WAPL: variants seen among roughly 807,000 people sequenced by gnomAD.
WAPL encodes wings apart-like protein homolog.
WAPL carries 5 observed loss-of-function variants against 121.0 expected under a neutral mutation model. The observed-to-expected ratio is 0.04, with a 90% confidence interval of 0.02 to 0.09. WAPL has a LOEUF of 0.09. WAPL is among the 10% of genes least tolerant of loss of function. The pLI, the probability that WAPL is intolerant of heterozygous loss-of-function variation, is 1.00. For synonymous variants in WAPL, 480 were observed against 481.5 expected (o/e 1.00, Z 0.04); for missense variants, 999 against 1,410.8 (o/e 0.71, Z 4.68).
chr10:86,504,512 TAAAAAATAC>T (rs1564586781), intron 2 of WAPL, among the ~76,000 whole-genome samples: 3 of 126,118 alleles, frequency 2.4e-5, no homozygotes, highest in African/African-American at 9.0e-5. Flanking sequence ...CCATCTCTAC[TAAAAAATAC>T]AAAAAATTAG....
chr10:86,454,505 G>C (rs1021805767), intron 12 of WAPL, among the ~76,000 whole-genome samples: 1 of 152,324 alleles, frequency 6.6e-6, no homozygotes, highest in East Asian at 1.9e-4. Context: ...AGCCTGCCTA[G>C]TGCCTGGGAC....
intron 4 of WAPL, among the ~76,000 whole-genome samples, chr10:86,494,766 T>G (rs1419176499): frequency 1.5e-4 from 23 of 152,196 alleles, no homozygotes; most frequent in Non-Finnish European, 1.5e-5. Flanking sequence ...TTTAATGCAA[T>G]GTATGAAAGG....
In WAPL at chr10:86,437,483, C is replaced by G; in HGVS notation, c.*60G>C. The stretch of plus-strand genomic sequence containing the variant: ...TTCAAGGACTTCTTTCATGACTTGA[C>G]TTTTCTTTGTCTAAGGATAGCTCCA... On this transcript the variant is annotated 3_prime_UTR_variant, in exon 19 of 19. Transcript: ENST00000298767. 1.3e-6 allele frequency: 2 copies of G among 1,562,242 alleles called. No homozygotes were observed. The highest frequency in any genetic ancestry group is 1.7e-6 in the Non-Finnish European group (2 of 1,147,322).
intron 2 of WAPL, among the ~76,000 whole-genome samples, chr10:86,502,127 C>G (rs768675474): frequency 1.3e-5 from 2 of 152,198 alleles, no homozygotes. Flanking sequence ...TAACTTTCCA[C>G]GAACACAAAA....
intron 9 of WAPL, among the ~76,000 whole-genome samples, chr10:86,461,687 G>C (rs572251703): frequency 1.3e-5 from 2 of 152,292 alleles, no homozygotes; most frequent in East Asian, 3.9e-4. Context: ...CAGTTGCCCT[G>C]AATCTTCAAA....
At position 86,443,266 on chromosome 10, in the gene WAPL, T is replaced by G. The variant is rs527632909; in HGVS notation, c.3411+9A>C. ...AGATACATAAAACATCACTGAACTA[T>G]GTACTTACTGGACTTTCCTGGCAGA... On this transcript the variant is annotated intron_variant, in intron 17 of 18. Coordinates refer to ENST00000298767, the MANE Select transcript of WAPL (RefSeq NM_015045.5). 22 of 1,599,528 alleles carry G rather than the reference T, an allele frequency of 1.4e-5. 1 individual carries two copies. In the South Asian group the frequency reaches 2.2e-4, roughly 16 times the overall value.
chr10:86,439,266 A>G (rs1849403356), intron 17 of WAPL, among the ~76,000 whole-genome samples: 1 of 152,190 alleles, frequency 6.6e-6, no homozygotes, highest in South Asian at 2.1e-4. Flanking sequence ...TCTAATCAAA[A>G]CACTGCTAAA....
At position 86,453,752 on chromosome 10, in the gene WAPL, G is replaced by C; in HGVS notation, c.2737C>G (p.Leu913Val). ...DSICLADSKPLPHQNVTNHVG... is the reference protein window; with the variant it reads ...DSICLADSKPVPHQNVTNHVG... ...TGGTTAGTTACATTCTGGTGAGGCA[G>C]AGGCTTACTGTCAGCTAAGCATATG... The change falls in exon 13 of 19, where the codon CTG (leucine) becomes GTG (valine). Residue 913 changes from leucine to valine, a missense_variant. Leu to Val is a conservative substitution (Grantham distance 32, BLOSUM62 1). Coordinates refer to ENST00000298767, the MANE Select transcript of WAPL (RefSeq NM_015045.5). 1 of 1,614,190 alleles carries C rather than the reference G, an allele frequency of 6.2e-7. No homozygotes were observed. The highest frequency in any genetic ancestry group is 8.5e-7 in the Non-Finnish European group (1 of 1,180,040).
rs34010232 is a variant in WAPL, at chr10:86,472,370, CT to C, written c.1894-27del. On this transcript the variant is annotated intron_variant, in intron 6 of 18. Transcript: ENST00000298767. This position sits in a 1 kb window ranked among gnomAD's most constrained non-coding sequence, Gnocchi z 4.2. ...CTGCCAAGAAAAAAAAAGTTCACCCCTTTTTAACTAGGAACTAGCATATTTA... is the reference window on the plus strand; with the variant it reads ...CTGCCAAGAAAAAAAAAGTTCACCCCTTTTAACTAGGAACTAGCATATTTA... The C allele has an allele frequency of 1.3e-3, 2,012 of 1,585,536 alleles. 1 individual carries two copies. The highest frequency in any genetic ancestry group is 1.6e-3 in the Non-Finnish European group (1,868 of 1,173,414).
In WAPL at chr10:86,436,575, G is replaced by C. The variant is rs1427901473; in HGVS notation, c.*968C>G. On this transcript the variant is annotated 3_prime_UTR_variant, in exon 19 of 19. Transcript: ENST00000298767. ...TTTAAGGCTTTGCGCTTATGCAATT[G>C]ATCCTGTCACTCTATAGAAGAATAT... The C allele has an allele frequency of 6.6e-6, 1 of 152,634 alleles. No individual in the cohort carries two copies. The highest frequency in any genetic ancestry group is 1.5e-5 in the Non-Finnish European group (1 of 68,032). The allele number at this position is 152,634 out of a possible 1,614,324, so 9.5% of individuals were successfully genotyped here. A position where few individuals can be genotyped will look rare whatever the true frequency, so the allele number is the denominator to read the frequency against.
At position 86,472,371 on chromosome 10, in the gene WAPL, T is replaced by G. The variant is rs1232842178; in HGVS notation, c.1894-27A>C. 1 of 1,581,246 alleles carries G rather than the reference T, an allele frequency of 6.3e-7. No individual in the cohort carries two copies. Among genetic ancestry groups the G allele is most frequent in the Non-Finnish European group, 8.6e-7 (1 of 1,169,398 alleles). ...TGCCAAGAAAAAAAAAGTTCACCCC[T>G]TTTTAACTAGGAACTAGCATATTTA... On this transcript the variant is annotated intron_variant, in intron 6 of 18. Coordinates refer to ENST00000298767, the MANE Select transcript of WAPL (RefSeq NM_015045.5). The surrounding 1 kb of genome is among the most constrained non-coding windows in gnomAD (Gnocchi z 4.2).
intron 4 of WAPL, among the ~76,000 whole-genome samples, chr10:86,492,862 C>A (rs1368828702): frequency 1.3e-5 from 2 of 152,120 alleles, no homozygotes; most frequent in African/African-American, 4.8e-5. Context: ...TAGAGACCAT[C>A]CTGGCTAACA....
chr10:86,449,843 G>C (rs993053881), intron 15 of WAPL, among the ~76,000 whole-genome samples: 2 of 152,216 alleles, frequency 1.3e-5, no homozygotes, highest in East Asian at 1.9e-4. Flanking sequence ...TGGTAGCTAG[G>C]AGACAGGGAG....
At chr10:86,480,295 T>C (rs1841753581) in intron 4 of WAPL, among the ~76,000 whole-genome samples, 1 of 152,200 alleles carries the variant, frequency 6.6e-6, no homozygotes, top group African/African-American at 2.4e-5. Context: ...ACACCACTAC[T>C]GTGAGTAGAA....
At chr10:86,514,211 G>A (rs1277229753) in intron 2 of WAPL, among the ~76,000 whole-genome samples, 2 of 152,166 alleles carry the variant, frequency 1.3e-5, no homozygotes, top group South Asian at 4.1e-4. Flanking sequence ...CAGTTTAGAG[G>A]GGAGAGACAA....
intron 4 of WAPL, among the ~76,000 whole-genome samples, chr10:86,489,380 T>C (rs1841993495): frequency 6.6e-6 from 1 of 152,298 alleles, no homozygotes; most frequent in South Asian, 2.1e-4. Context: ...TGTTAACTCT[T>C]TGGTTTTGAT....
intron 4 of WAPL, among the ~76,000 whole-genome samples, chr10:86,494,057 T>C (rs567958754): frequency 6.6e-6 from 1 of 152,306 alleles, no homozygotes; most frequent in East Asian, 1.9e-4. Context: ...GACATTTGTA[T>C]GGATGGTGCA....
chr10:86,517,463 TC>T, intron 2 of WAPL, 107 bp downstream of exon 2: 6 of 1,398,522 alleles, frequency 4.3e-6, no homozygotes, highest in Non-Finnish European at 5.6e-6. Flanking sequence ...TCCCCATGTA[TC>T]ATAAGTGCAG....
At chr10:86,508,483 G>A (rs976811442) in intron 2 of WAPL, among the ~76,000 whole-genome samples, 2 of 151,598 alleles carry the variant, frequency 1.3e-5, no homozygotes, top group Admixed American at 6.6e-5. Context: ...CCTCCCCTTC[G>A]AACATCTTTA....
Sources: allele counts gnomAD v4.1 joint callset (sites outside exome capture counted in the v4.1 genomes callset), GRCh38; gene constraint gnomAD v4.1.1; non-coding constraint Gnocchi (gnomAD v3.1); transcripts MANE v1.5; gene names NCBI Gene and HGNC (gene_info 2026-07-23, HGNC 2026-07-21).